Variants in EIF3B observed in about 807,000 individuals in gnomAD.
The protein encoded by EIF3B is eukaryotic translation initiation factor 3 subunit 9.
Under a neutral mutation model 104.6 loss-of-function variants are expected in EIF3B, and 10 were observed. The observed-to-expected ratio is 0.10, with a 90% CI of 0.06 to 0.16. The LOEUF is 0.16. Ranked by LOEUF, EIF3B falls within the 10% of genes least tolerant of loss-of-function variation. EIF3B has a pLI of 1.00. For synonymous variants in EIF3B, 542 were observed against 417.2 expected, an observed-to-expected ratio of 1.30 and a Z score of -3.65; for missense variants, 1,014 against 1,087.9, an observed-to-expected ratio of 0.93 and a Z score of 0.96.
chr7:2,380,345 T>C lies in EIF3B; in HGVS notation c.*156T>C. On this transcript the variant is annotated 3_prime_UTR_variant, in exon 19 of 19. Transcript: ENST00000360876. ...AGCCGCGTGACTCCCGCCTCCTCCC[T>C]GTGCTCTCTGGCTCTGGACTGTGAC... is the stretch of plus-strand genomic sequence containing the variant. The C allele has an allele frequency of 1.9e-6, 1 of 518,762 alleles. No individual in the cohort carries two copies. Among genetic ancestry groups the C allele is most frequent in the Non-Finnish European group, 3.9e-6 (1 of 259,734 alleles). 32.1% of individuals were successfully genotyped at this position (518,762 alleles called of 1,614,324 possible).
chr7:2,377,180 A>G (rs1780681333), intron 15 of EIF3B, 105 bp downstream of exon 15: 2 of 1,424,614 alleles, frequency 1.4e-6, no homozygotes, highest in Non-Finnish European at 1.9e-6. Flanking sequence ...TGGGGGATAA[A>G]AACGTGACAT....
intron 12 of EIF3B, 160 bp from the exon 13 acceptor site, chr7:2,374,368 T>G: frequency 1.6e-6 from 1 of 608,114 alleles, no homozygotes; most frequent in Non-Finnish European, 3.0e-6. Flanking sequence ...ACTTAGGGGG[T>G]ACTTGGCGAT....
Position 2,355,161 on chromosome 7 carries a change from G to C in EIF3B, c.240G>C (p.Pro80=), listed in dbSNP as rs768702594. Residue 80 remains proline, a synonymous_variant, in exon 1 of 19, where the codon CCG becomes CCC. Coordinates refer to ENST00000360876, the MANE Select transcript of EIF3B (RefSeq NM_001037283.2). ...CCGAGGCAGAGGCGGCCTCCGGCCC[G>C]TCCGAGTCGCCCTCGCCGCCGGCCG... ...PAAEAEAASG[P]SESPSPPAAE... is the part of the protein sequence containing the mutation. 1 of 1,453,078 alleles carries C rather than the reference G, an allele frequency of 6.9e-7. No individual in the cohort carries two copies. Among genetic ancestry groups the C allele is most frequent in the South Asian group, 1.4e-5 (1 of 73,338 alleles). The allele number at this position is 1,453,078 out of a possible 1,614,324, so 90.0% of individuals were successfully genotyped here.
At chr7:2,360,310 A>G (rs1235070464) in intron 1 of EIF3B, among the ~76,000 whole-genome samples, 3 of 152,180 alleles carry the variant, frequency 2.0e-5, no homozygotes, top group Admixed American at 6.5e-5. Context: ...TGACATTGGG[A>G]TGGGATTCTG....
At chr7:2,357,480 C>A (rs1779510531) in intron 1 of EIF3B, among the ~76,000 whole-genome samples, 1 of 152,224 alleles carries the variant, frequency 6.6e-6, no homozygotes, top group African/African-American at 2.4e-5. Flanking sequence ...GCCAAGTCTT[C>A]CAAGGAGCAG....
At chr7:2,370,192 G>A (rs928452067) in intron 10 of EIF3B, among the ~76,000 whole-genome samples, 8 of 152,078 alleles carry the variant, frequency 5.3e-5, no homozygotes, top group African/African-American at 1.2e-4. Flanking sequence ...AATTGCCTGA[G>A]TTGGCTGGGT....
At chr7:2,362,785 A>G in intron 3 of EIF3B, 21 bp downstream of exon 3, 2 of 1,613,614 alleles carry the variant, frequency 1.2e-6, no homozygotes, top group Non-Finnish European at 1.7e-6. Flanking sequence ...ACTTGGCCAC[A>G]AGGAAGTGGA....
chr7:2,366,851 G>A lies in EIF3B; in HGVS notation c.1357-148G>A, dbSNP rs961444185. 6 of 887,186 alleles carry A rather than the reference G, an allele frequency of 6.8e-6. No homozygotes were observed. The Admixed American group carries it at 8.9e-5, about 13-fold the overall frequency. The allele number at this position is 887,186 out of a possible 1,614,324, so 55.0% of individuals were successfully genotyped here. On this transcript the variant is annotated intron_variant, in intron 8 of 18. Transcript: ENST00000360876. ...GAACTGCAGTTCTGGGTGGCGGGTGGGTGGATGGGTTCACTGTCACGCTCT... is the reference window on the plus strand; with the variant it reads ...GAACTGCAGTTCTGGGTGGCGGGTGAGTGGATGGGTTCACTGTCACGCTCT...
At chr7:2,369,822 G>T in intron 10 of EIF3B, 140 bp downstream of exon 10, 1 of 713,660 alleles carries the variant, frequency 1.4e-6, no homozygotes, top group South Asian at 2.0e-5. Context: ...CTGTCACCAG[G>T]CTGTAGTGCA....
chr7:2,361,580 C>T (rs763200728), intron 2 of EIF3B, among the ~76,000 whole-genome samples: 12 of 151,330 alleles, frequency 7.9e-5, no homozygotes, highest in African/African-American at 1.2e-4. Context: ...CTACCACGCC[C>T]GGCTAATTTT....
intron 6 of EIF3B, 77 bp from the exon 7 acceptor site, chr7:2,366,240 C>A: frequency 6.9e-7 from 1 of 1,456,680 alleles, no homozygotes; most frequent in Non-Finnish European, 9.2e-7. Context: ...GTTCTGACGG[C>A]GTGTTCTGGC....
At chr7:2,365,669 T>G (rs139400245) in intron 6 of EIF3B, among the ~76,000 whole-genome samples, 62,185 of 103,838 alleles carry the variant, frequency 0.6, 15,260 homozygotes, top group East Asian at 0.77. Flanking sequence ...GTTTGTTTGT[T>G]TGTTTGTTTT....
rs371025104 is a variant in EIF3B, at chr7:2,365,675, G to GTTTT, written c.1158-641_1158-638dup. Among the ~76,000 whole-genome samples the GTTTT allele has an allele frequency of 2.7e-5, 3 of 110,594 alleles. 1 individual carries two copies. Among genetic ancestry groups the GTTTT allele is most frequent in the African/African-American group, 1.3e-4 (3 of 23,088 alleles). The allele number at this position is 110,594 out of a possible 152,430, so 72.6% of individuals were successfully genotyped here. A position where few individuals can be genotyped will look rare whatever the true frequency, so the allele number is the denominator to read the frequency against. ...TTTTTGTTTGTTTGTTTGTTTGTTT[G>GTTTT]TTTTGTTTTTTTTTTTTTTGAAACT... On this transcript the variant is annotated intron_variant, in intron 6 of 18. Coordinates refer to ENST00000360876, the MANE Select transcript of EIF3B (RefSeq NM_001037283.2).
chr7:2,364,906 G>A (rs1482766450), intron 6 of EIF3B, among the ~76,000 whole-genome samples: 1 of 152,166 alleles, frequency 6.6e-6, no homozygotes, highest in Non-Finnish European at 1.5e-5. Flanking sequence ...ATAATGTTCT[G>A]TATAATACTT....
rs1386192700 is a variant in EIF3B at position 2,354,909 on chromosome 7, C to A, written c.-13C>A. On this transcript the variant is annotated 5_prime_UTR_variant, in exon 1 of 19. Transcript: ENST00000360876. ...GCGGCCGCGGAGCCCTGCGAGTAGG[C>A]AGCGTTGGGCCCATGCAGGACGCGG... 9.3e-6 allele frequency: 11 copies of A among 1,187,956 alleles called. No individual in the cohort carries two copies. The highest frequency in any genetic ancestry group is 1.1e-5 in the Non-Finnish European group (11 of 958,490). The allele number at this position is 1,187,956 out of a possible 1,614,324, so 73.6% of individuals were successfully genotyped here. A position where few individuals can be genotyped will look rare whatever the true frequency, so the allele number is the denominator to read the frequency against.
chr7:2,355,704 G>A (rs1411595193), intron 1 of EIF3B, among the ~76,000 whole-genome samples: 1 of 152,178 alleles, frequency 6.6e-6, no homozygotes, highest in African/African-American at 2.4e-5. Flanking sequence ...GTGGGAGAGG[G>A]CACATGGGGT....
At position 2,374,601 on chromosome 7, in the gene EIF3B, G is replaced by C. The variant is rs114731734; in HGVS notation, c.1884G>C (p.Leu628=). 1.2e-4 allele frequency: 191 copies of C among 1,613,886 alleles called. No individual in the cohort carries two copies. The highest frequency in any genetic ancestry group is 1.6e-4 in the Non-Finnish European group (185 of 1,179,886). Residue 628 remains leucine (L), a synonymous_variant, in exon 13 of 19, where the codon CTG becomes CTC. Coordinates refer to ENST00000360876, the MANE Select transcript of EIF3B (RefSeq NM_001037283.2). ...GACAGTTCGTGGTGTTGGCGGGCCT[G>C]AGGAGGTAGGTGTCTGCGCTCTGAG... ...PQGQFVVLAG[L]RSMNGALAFV...
intron 14 of EIF3B, 65 bp downstream of exon 14, chr7:2,375,592 C>T (rs1421390324): frequency 6.2e-7 from 1 of 1,607,276 alleles, no homozygotes; most frequent in African/African-American, 1.3e-5. Context: ...TAGCTGCTGA[C>T]TCTGGTGCTG....
chr7:2,372,870 C>T, intron 12 of EIF3B, 75 bp downstream of exon 12: 2 of 1,539,486 alleles, frequency 1.3e-6, no homozygotes, highest in Admixed American at 1.8e-5. Context: ...CAACAGTGAG[C>T]ATTTGACTGG....
Sources: gnomAD v4.1 joint callset for allele counts (sites outside exome capture counted in the v4.1 genomes callset) on GRCh38, gnomAD v4.1.1 for gene constraint, MANE v1.5 for transcripts, NCBI Gene and HGNC (gene_info 2026-07-23, HGNC 2026-07-21) for gene names.